The following SH3BGRL2 variants were observed in gnomAD, a reference collection of about 807,000 sequenced individuals.
The protein encoded by SH3BGRL2 is SH3 domain binding glutamate rich protein like 2.
A neutral mutation model predicts 14.8 loss-of-function variants in SH3BGRL2; 21 were observed. The observed-to-expected ratio is 1.42, with a 90% CI of 1.01 to 2.05. The LOEUF (loss-of-function observed/expected upper bound fraction) is 2.05, where lower values mean the gene tolerates loss of function less well. Ranked by LOEUF, SH3BGRL2 falls within the 30% of genes most tolerant of loss-of-function variation. SH3BGRL2 has a pLI of 0.00. For missense variants in SH3BGRL2, 147 were observed against 130.8 expected, an observed-to-expected ratio of 1.12 and a Z score of -0.61; for synonymous variants, 50 against 47.8, an observed-to-expected ratio of 1.05 and a Z score of -0.19.
the SH3BGRL2 span, among the ~76,000 whole-genome samples, chr6:79,590,614 CA>C: frequency 2.6e-5 from 4 of 151,374 alleles, no homozygotes; most frequent in African/African-American, 9.7e-5. Context: ...GGGAGCTAAA[CA>C]CTGAGTATAT....
intron 1 of SH3BGRL2, among the ~76,000 whole-genome samples, chr6:79,663,269 C>T (rs1355126175): frequency 6.6e-6 from 1 of 152,156 alleles, no homozygotes; most frequent in Non-Finnish European, 1.5e-5. Flanking sequence ...TGGTTTCTCC[C>T]CATCTTTGTG....
chr6:79,600,719 T>G, the SH3BGRL2 span, among the ~76,000 whole-genome samples: 35 of 152,212 alleles, frequency 2.3e-4, no homozygotes, highest in South Asian at 4.1e-4. Context: ...TTTTCATTCC[T>G]GTCCCTTTAG....
chr6:79,623,671 T>A, the SH3BGRL2 span, among the ~76,000 whole-genome samples: 3 of 152,216 alleles, frequency 2.0e-5, no homozygotes, highest in Non-Finnish European at 4.4e-5. Flanking sequence ...TTCTCATCTC[T>A]GATTTTACTT....
intron 1 of SH3BGRL2, among the ~76,000 whole-genome samples, chr6:79,655,439 A>G (rs1210350026): frequency 6.6e-6 from 1 of 151,900 alleles, no homozygotes; most frequent in Non-Finnish European, 1.5e-5. Context: ...CACTATTGAG[A>G]TATGATTAGC....
At chr6:79,682,323 A>G (rs908747152) in intron 2 of SH3BGRL2, among the ~76,000 whole-genome samples, 5 of 152,006 alleles carry the variant, frequency 3.3e-5, no homozygotes, top group Non-Finnish European at 5.9e-5. Flanking sequence ...TTATTTTGAG[A>G]TGGAGTCTCT....
At chr6:79,547,848 G>A in the SH3BGRL2 span, among the ~76,000 whole-genome samples, 1 of 152,198 alleles carries the variant, frequency 6.6e-6, no homozygotes, top group South Asian at 2.1e-4. Flanking sequence ...AACATATAGA[G>A]TCCAACTATA....
At chr6:79,658,488 C>A (rs1322864373) in intron 1 of SH3BGRL2, among the ~76,000 whole-genome samples, 2 of 152,314 alleles carry the variant, frequency 1.3e-5, no homozygotes, top group East Asian at 1.9e-4. Flanking sequence ...TTTTTTATGG[C>A]TGCATAGTAT....
chr6:79,631,501 G>C lies in SH3BGRL2; in HGVS notation c.40G>C (p.Val14Leu). The change falls in exon 1 of 4, where the codon GTG becomes CTG. Residue 14 changes from valine to leucine, a missense_variant. By Grantham distance (32) the Val-to-Leu change is conservative (BLOSUM62 1). Coordinates refer to ENST00000369838, the MANE Select transcript of SH3BGRL2 (RefSeq NM_031469.4). Reference sequence around the variant, plus strand: ...GTTCATCGCCTCTTCCTCGGGCTTCGTGGCGGTGAGCGCGGTGGGGGCGGG... The same window carrying C: ...GTTCATCGCCTCTTCCTCGGGCTTCCTGGCGGTGAGCGCGGTGGGGGCGGG... The part of the protein sequence containing the change: ...RVFIASSSGF[V>L]AIKKKQQDVV... 2 of 1,479,506 alleles carry C rather than the reference G, an allele frequency of 1.4e-6. No homozygotes were observed. Among genetic ancestry groups the C allele is most frequent in the Admixed American group, 2.3e-5 (1 of 44,296 alleles). The allele number at this position is 1,479,506 out of a possible 1,614,324, so 91.6% of individuals were successfully genotyped here.
At chr6:79,583,579 A>C in the SH3BGRL2 span, among the ~76,000 whole-genome samples, 2 of 152,182 alleles carry the variant, frequency 1.3e-5, no homozygotes, top group African/African-American at 2.4e-5. Context: ...GGAATTGAAG[A>C]ATGAGATCAC....
chr6:79,650,700 AG>A (rs1289068563), intron 1 of SH3BGRL2, among the ~76,000 whole-genome samples: 1 of 152,060 alleles, frequency 6.6e-6, no homozygotes, highest in Non-Finnish European at 1.5e-5. Context: ...GACATCCTTG[AG>A]GGATCTGCCC....
chr6:79,638,398 T>A (rs1768967244), intron 1 of SH3BGRL2, among the ~76,000 whole-genome samples: 1 of 152,230 alleles, frequency 6.6e-6, no homozygotes. Flanking sequence ...TGAATAGTGC[T>A]GCAACAAACA....
the SH3BGRL2 span, among the ~76,000 whole-genome samples, chr6:79,559,712 C>G: frequency 6.6e-6 from 1 of 152,158 alleles, no homozygotes; most frequent in Non-Finnish European, 1.5e-5. Flanking sequence ...TAATCATGCT[C>G]TAGTTACGTA....
chr6:79,568,555 C>T, the SH3BGRL2 span, among the ~76,000 whole-genome samples: 2,733 of 151,984 alleles, frequency 0.018, 79 homozygotes, highest in African/African-American at 0.062. Context: ...GGAATACATA[C>T]ATTTTTATAA....
At chr6:79,661,854 C>T (rs1422825527) in intron 1 of SH3BGRL2, among the ~76,000 whole-genome samples, 1 of 152,166 alleles carries the variant, frequency 6.6e-6, no homozygotes, top group East Asian at 1.9e-4. Flanking sequence ...GTTAGCTCCT[C>T]TTGTTGAATT....
chr6:79,654,089 G>A (rs966153770), intron 1 of SH3BGRL2, among the ~76,000 whole-genome samples: 1 of 152,170 alleles, frequency 6.6e-6, no homozygotes, highest in Non-Finnish European at 1.5e-5. Flanking sequence ...TTTATAACTT[G>A]CTGTAGTGTA....
chr6:79,660,705 G>A (rs568075458), intron 1 of SH3BGRL2, among the ~76,000 whole-genome samples: 107 of 152,334 alleles, frequency 7.0e-4, no homozygotes, highest in African/African-American at 2.5e-3. Flanking sequence ...AATAGTTTCA[G>A]AAGGAATGGT....
Position 79,696,544 on chromosome 6 carries a change from G to A in SH3BGRL2, c.291G>A (p.Leu97=). Residue 97 remains leucine, a synonymous_variant, in exon 3 of 4, where the codon CTG becomes CTA. Coordinates refer to ENST00000369838, the MANE Select transcript of SH3BGRL2 (RefSeq NM_031469.4). ...ESNTVFSFLG[L]KPRLASKAEP The stretch of plus-strand genomic sequence containing the variant: ...ACACAGTCTTTTCATTTTTAGGCCT[G>A]AAACCACGGTTGGCATCAAAGGTAG... The A allele has an allele frequency of 6.4e-7, 1 of 1,570,692 alleles. No homozygotes were observed. Among genetic ancestry groups the A allele is most frequent in the Non-Finnish European group, 8.6e-7 (1 of 1,167,216 alleles).
At position 79,673,728 on chromosome 6, in the gene SH3BGRL2, C is replaced by T; in HGVS notation, c.160C>T (p.Pro54Ser). The T allele has an allele frequency of 6.2e-7, 1 of 1,613,964 alleles. No homozygotes were observed. Among genetic ancestry groups the T allele is most frequent in the South Asian group, 1.1e-5 (1 of 91,054 alleles). ...GAGGCAATGGATGTACAAAAACGTCCCCCCGGAAAAGAAACCCACTCAGGG... is the reference window on the plus strand; with the variant it reads ...GAGGCAATGGATGTACAAAAACGTCTCCCCGGAAAAGAAACCCACTCAGGG... ...EQRQWMYKNV[P>S]PEKKPTQGNP... is the part of the protein sequence containing the mutation. Residue 54 changes from proline to serine, a missense_variant, in exon 2 of 4, where the codon CCC becomes TCC. Transcript: ENST00000369838.
chr6:79,595,517 T>A, the SH3BGRL2 span, among the ~76,000 whole-genome samples: 1 of 152,182 alleles, frequency 6.6e-6, no homozygotes, highest in Non-Finnish European at 1.5e-5. Context: ...GTGAATGTAT[T>A]TTAAAATGAC....
Sources: allele counts gnomAD v4.1 joint callset (sites outside exome capture counted in the v4.1 genomes callset), GRCh38; gene constraint gnomAD v4.1.1; transcripts MANE v1.5; gene names NCBI Gene and HGNC (gene_info 2026-07-23, HGNC 2026-07-21).